Variants in KCNH8 observed in about 807,000 individuals in gnomAD.
KCNH8 encodes voltage-gated delayed rectifier potassium channel KCNH8.
Under a neutral mutation model 103.6 loss-of-function variants are expected in KCNH8, and 70 were observed. The ratio of observed to expected loss-of-function variants is 0.68; its 90% CI spans 0.56 to 0.82. The LOEUF (loss-of-function observed/expected upper bound fraction) is 0.82, where lower values mean the gene tolerates loss of function less well. KCNH8 is among the 40% of genes least tolerant of loss of function. The pLI, the probability that KCNH8 is intolerant of heterozygous loss-of-function variation, is 0.00. For synonymous variants in KCNH8, 498 were observed against 489.4 expected (o/e 1.02, Z -0.23); for missense variants, 1,217 against 1,329.9 (o/e 0.92, Z 1.32).
rs765441360 is a variant in KCNH8, at chr3:19,357,737, A to C, written c.811+9772A>C. On this transcript the variant is annotated intron_variant, in intron 5 of 15. Coordinates refer to ENST00000328405, the MANE Select transcript of KCNH8 (RefSeq NM_144633.3). Reference sequence around the variant, plus strand: ...AGAACTCTTCAGAAAGCTAAGTGTCAAAAGTAACATGATATGCAAGTATGC... The same window carrying C: ...AGAACTCTTCAGAAAGCTAAGTGTCCAAAGTAACATGATATGCAAGTATGC... 1.2e-4 allele frequency among the ~76,000 whole-genome samples: 18 copies of C among 151,936 alleles called. 1 individual carries two copies. Among genetic ancestry groups the C allele is most frequent in the Non-Finnish European group, 8.8e-5 (6 of 67,918 alleles).
chr3:19,170,252 C>T (rs1255080961), intron 1 of KCNH8, among the ~76,000 whole-genome samples: 1 of 151,954 alleles, frequency 6.6e-6, no homozygotes, highest in Non-Finnish European at 1.5e-5. Flanking sequence ...CTATTTTTAC[C>T]CCTTTCTTAA....
At chr3:19,513,458 T>C in intron 13 of KCNH8, 133 bp downstream of exon 13, 1 of 1,287,042 alleles carries the variant, frequency 7.8e-7, no homozygotes, top group Admixed American at 2.6e-5. Flanking sequence ...TTTCTGAGTT[T>C]TGTGGGCAAT....
intron 1 of KCNH8, among the ~76,000 whole-genome samples, chr3:19,249,036 A>G (rs958955561): frequency 6.6e-6 from 1 of 151,120 alleles, no homozygotes; most frequent in Non-Finnish European, 1.5e-5. Context: ...TTCAAACTGA[A>G]TATATATATA....
intron 1 of KCNH8, among the ~76,000 whole-genome samples, chr3:19,191,099 C>T (rs538806229): frequency 2.4e-4 from 37 of 151,922 alleles, no homozygotes; most frequent in African/African-American, 7.9e-4. Context: ...GAAACTTTCA[C>T]AGAAACTTTT....
intron 11 of KCNH8, among the ~76,000 whole-genome samples, chr3:19,476,561 G>C (rs1046916446): frequency 2.0e-5 from 3 of 152,054 alleles, no homozygotes; most frequent in Admixed American, 6.6e-5. Context: ...TCACTGGGGG[G>C]CATGGGATCT....
At chr3:19,480,964 A>AACTG (rs2068075424) in intron 11 of KCNH8, among the ~76,000 whole-genome samples, 1 of 152,200 alleles carries the variant, frequency 6.6e-6, no homozygotes, top group East Asian at 1.9e-4. Flanking sequence ...TTCTTAAATC[A>AACTG]ACTGACTGTG....
rs1205838506 is a variant in KCNH8, at chr3:19,156,985, A to ATT, written c.76+8190_76+8191insTT. 7.9e-4 allele frequency among the ~76,000 whole-genome samples: 112 copies of ATT among 142,568 alleles called. No individual in the cohort carries two copies. The South Asian group carries it at 0.013, about 16-fold the overall frequency. The allele number at this position is 142,568 out of a possible 152,430, so 93.5% of individuals were successfully genotyped here. On this transcript the variant is annotated intron_variant, in intron 1 of 15. Transcript: ENST00000328405. Reference sequence around the variant, plus strand: ...ATAAAGCTTTTTTTTTTTTTTTTAAAAAAAAGGTTTTCTTTTGTTCTATTA... The same window carrying ATT: ...ATAAAGCTTTTTTTTTTTTTTTTAAATTAAAAAGGTTTTCTTTTGTTCTATTA...
chr3:19,480,653 G>C (rs2068069409), intron 11 of KCNH8, among the ~76,000 whole-genome samples: 1 of 152,098 alleles, frequency 6.6e-6, no homozygotes, highest in South Asian at 2.1e-4. Flanking sequence ...TTCTAAAATT[G>C]CTATCCATGT....
intron 6 of KCNH8, among the ~76,000 whole-genome samples, chr3:19,394,374 A>G (rs1203254723): frequency 2.0e-5 from 3 of 152,066 alleles, no homozygotes; most frequent in Non-Finnish European, 4.4e-5. Flanking sequence ...ATAACCCCTC[A>G]GCTACAAGTC....
intron 1 of KCNH8, among the ~76,000 whole-genome samples, chr3:19,251,483 C>T (rs890531838): frequency 4.0e-5 from 6 of 151,736 alleles, no homozygotes; most frequent in African/African-American, 7.3e-5. Context: ...TGGGGTTAGG[C>T]GCTGATTGGA....
intron 2 of KCNH8, among the ~76,000 whole-genome samples, chr3:19,270,807 A>G (rs141498847): frequency 6.6e-6 from 1 of 152,270 alleles, no homozygotes; most frequent in Non-Finnish European, 1.5e-5. Flanking sequence ...CTGTAATCAT[A>G]TATTTATACA....
chr3:19,277,388 TC>T (rs1174900267), intron 2 of KCNH8, among the ~76,000 whole-genome samples: 3 of 151,924 alleles, frequency 2.0e-5, no homozygotes, highest in Non-Finnish European at 4.4e-5. Flanking sequence ...CATAGGGAGA[TC>T]CCCATCTCTA....
intron 4 of KCNH8, among the ~76,000 whole-genome samples, chr3:19,347,303 G>A (rs1489104619): frequency 6.6e-6 from 1 of 151,976 alleles, no homozygotes; most frequent in Non-Finnish European, 1.5e-5. Context: ...TAAAATATCA[G>A]GTCAAATATA....
At chr3:19,467,435 A>G (rs1256271363) in intron 11 of KCNH8, among the ~76,000 whole-genome samples, 1 of 152,194 alleles carries the variant, frequency 6.6e-6, no homozygotes, top group East Asian at 1.9e-4. Flanking sequence ...GACACTGTGT[A>G]TGCATTATCT....
At chr3:19,452,455 C>T (rs2067463720) in intron 10 of KCNH8, among the ~76,000 whole-genome samples, 1 of 152,034 alleles carries the variant, frequency 6.6e-6, no homozygotes, top group African/African-American at 2.4e-5. Context: ...TGAATGAATT[C>T]AGTACTGGTC....
At chr3:19,242,120 T>G (rs1335701872) in intron 1 of KCNH8, among the ~76,000 whole-genome samples, 4 of 152,140 alleles carry the variant, frequency 2.6e-5, no homozygotes, top group Non-Finnish European at 5.9e-5. Flanking sequence ...TTAGGCAGGG[T>G]ATTCCAGGCC....
intron 5 of KCNH8, among the ~76,000 whole-genome samples, chr3:19,384,125 AAC>A (rs1255652350): frequency 7.6e-4 from 116 of 152,332 alleles, no homozygotes; most frequent in African/African-American, 2.5e-3. Context: ...AGACCAATAT[AAC>A]ACAAATAATT....
intron 8 of KCNH8, among the ~76,000 whole-genome samples, chr3:19,445,710 T>G (rs1185918920): frequency 1.3e-5 from 2 of 151,988 alleles, no homozygotes; most frequent in Admixed American, 1.3e-4. Context: ...TTTAAAAGGT[T>G]GACTTTAGCG....
At chr3:19,428,625 C>T (rs2067064574) in intron 7 of KCNH8, among the ~76,000 whole-genome samples, 1 of 152,216 alleles carries the variant, frequency 6.6e-6, no homozygotes, top group Admixed American at 6.5e-5. Flanking sequence ...AATCATGTCA[C>T]TTAACCTCAC....
Sources: allele counts gnomAD v4.1 joint callset (sites outside exome capture counted in the v4.1 genomes callset), GRCh38; gene constraint gnomAD v4.1.1; transcripts MANE v1.5; gene names NCBI Gene and HGNC (gene_info 2026-07-23, HGNC 2026-07-21).